Variants in NPC1 observed in about 807,000 individuals in gnomAD.
The protein encoded by NPC1 is Niemann-Pick C1 protein.
A neutral mutation model predicts 140.4 loss-of-function variants in NPC1; 85 were observed. The ratio of observed to expected loss-of-function variants is 0.61; its 90% CI spans 0.51 to 0.72. The LOEUF is 0.72. NPC1 is among the 30% of genes least tolerant of loss of function. NPC1 has a pLI of 0.00. For synonymous variants in NPC1, 656 were observed against 624.8 expected, an observed-to-expected ratio of 1.05 and a Z score of -0.74; for missense variants, 1,504 against 1,623.8, an observed-to-expected ratio of 0.93 and a Z score of 1.27.
intron 21 of NPC1, 151 bp from the exon 22 acceptor site, chr18:23,535,851 A>G: frequency 1.4e-6 from 1 of 693,476 alleles, no homozygotes; most frequent in Non-Finnish European, 2.6e-6. Context: ...CACCGAAAGC[A>G]ACTCACTTGA....
At chr18:23,570,570 G>A (rs949261073) in intron 3 of NPC1, among the ~76,000 whole-genome samples, 1 of 152,192 alleles carries the variant, frequency 6.6e-6, no homozygotes, top group Non-Finnish European at 1.5e-5. Flanking sequence ...AAGCCAACTT[G>A]TGCCCTATCA....
intron 22 of NPC1, 115 bp from the exon 23 acceptor site, chr18:23,534,674 C>T: frequency 1.3e-6 from 1 of 786,512 alleles, no homozygotes; most frequent in South Asian, 1.5e-5. Flanking sequence ...CTAGAGGAGG[C>T]CAAGCATCCC....
intron 3 of NPC1, among the ~76,000 whole-genome samples, chr18:23,570,643 T>C (rs902301750): frequency 5.9e-5 from 9 of 152,222 alleles, no homozygotes; most frequent in African/African-American, 1.7e-4. Flanking sequence ...TTCCCAAACA[T>C]CTTTATCAGT....
intron 3 of NPC1, chr18:23,506,999 T>A (rs1355966131): frequency 6.2e-7 from 1 of 1,609,850 alleles, no homozygotes; most frequent in Non-Finnish European, 8.5e-7. Context: ...GTGAAGTGCA[T>A]TAAGTTTTCC....
rs1456586744 is a variant in NPC1, at chr18:23,524,039, C to T, written c.164-1133G>A. The T allele has an allele frequency of 3.8e-6, 5 of 1,321,174 alleles. No homozygotes were observed. In the Admixed American group the frequency reaches 8.5e-5, roughly 22 times the overall value. The allele number at this position is 1,321,174 out of a possible 1,614,324, so 81.8% of individuals were successfully genotyped here. A position where few individuals can be genotyped will look rare whatever the true frequency, so the allele number is the denominator to read the frequency against. Reference sequence around the variant, plus strand: ...CAATTGAATAAACATTTCGTAATGACATTAAAAAGTATTGACTTTTGTGTC... The same window carrying T: ...CAATTGAATAAACATTTCGTAATGATATTAAAAAGTATTGACTTTTGTGTC... On this transcript the variant is annotated intron_variant, in intron 1 of 1. Transcript: ENST00000590723.
intron 10 of NPC1, among the ~76,000 whole-genome samples, chr18:23,549,742 CT>C (rs1000073339): frequency 2.5e-3 from 348 of 137,912 alleles, no homozygotes; most frequent in East Asian, 6.9e-3. Flanking sequence ...TTTTTCACAA[CT>C]TTTTTTTTTT....
Position 23,533,385 on chromosome 18 carries a change from T to C in NPC1, c.3724A>G (p.Ile1242Val), listed in dbSNP as rs771501879. The stretch of plus-strand genomic sequence containing the variant: ...TAACTGAGTAAGACAGGGAGAAATA[T>C]TAATCCGTGAGTGGCTCCCAGTAAG... The part of the protein sequence containing the change: ...MVLLGATHGL[I>V]FLPVLLSYIG... The change falls in exon 24 of 25, where the codon ATA becomes GTA. Residue 1242 changes from isoleucine (I) to valine (V), a missense_variant. Coordinates refer to ENST00000269228, the MANE Select transcript of NPC1 (RefSeq NM_000271.5). 7.1e-5 allele frequency: 115 copies of C among 1,614,014 alleles called. No individual in the cohort carries two copies. The highest frequency in any genetic ancestry group is 9.2e-5 in the Non-Finnish European group (109 of 1,179,974).
At chr18:23,529,901 C>A, downstream of NPC1, 1 of 1,086,632 alleles carries the variant, frequency 9.2e-7, no homozygotes, top group Non-Finnish European at 1.4e-6. Context: ...ACCTGCATGA[C>A]GAAACCACTT....
rs55807051 is a variant in NPC1 at position 23,558,991 on chromosome 18, C to T, written c.881+1240G>A. ...TGCGGTGTTTGGTTTTTTGTCCTTGCGATATTTTGCTGAGAATGATGGTTT... is the reference window on the plus strand; with the variant it reads ...TGCGGTGTTTGGTTTTTTGTCCTTGTGATATTTTGCTGAGAATGATGGTTT... On this transcript the variant is annotated intron_variant, in intron 6 of 24. Coordinates refer to ENST00000269228, the MANE Select transcript of NPC1 (RefSeq NM_000271.5). Among the ~76,000 whole-genome samples, 407 of 152,110 alleles carry T rather than the reference C, an allele frequency of 2.7e-3. 2 individuals carry two copies. The highest frequency in any genetic ancestry group is 9.0e-3 in the African/African-American group (374 of 41,478).
At position 23,541,108 on chromosome 18, in the gene NPC1, T is replaced by C. The variant is rs550562774; in HGVS notation, c.2474A>G (p.Tyr825Cys). The C allele has an allele frequency of 1.2e-5, 19 of 1,614,078 alleles. No individual in the cohort carries two copies. The highest frequency in any genetic ancestry group is 2.7e-5 in the African/African-American group (2 of 74,934). Residue 825 changes from tyrosine to cysteine, a missense_variant, in exon 16 of 25, where the codon TAT becomes TGT. By Grantham distance (194) the Tyr-to-Cys change is radical. Transcript: ENST00000269228. ...SCLFRFFKNS[Y>C]SPLLLKDWMR... ...CCAGTCCTTTAGCAGAAGTGGAGAA[T>C]AGGAGTTTTTGAAGAAGCGAAACAA...
chr18:23,557,366 C>T (rs909786327), intron 6 of NPC1, among the ~76,000 whole-genome samples, 176 bp from the exon 7 acceptor site: 3 of 152,196 alleles, frequency 2.0e-5, no homozygotes, highest in African/African-American at 4.8e-5. Context: ...TCACCAGTCT[C>T]AGGAGAAAAT....
At chr18:23,545,717 G>C (rs1377611589) in intron 11 of NPC1, among the ~76,000 whole-genome samples, 2 of 152,138 alleles carry the variant, frequency 1.3e-5, no homozygotes, top group Non-Finnish European at 2.9e-5. Flanking sequence ...TTAGCCTCTT[G>C]AGTAGCTGGT....
At chr18:23,518,841 G>A (rs878952512), downstream of NPC1, 5 of 1,551,534 alleles carry the variant, frequency 3.2e-6, no homozygotes, top group Non-Finnish European at 4.4e-6. Context: ...TAGAACAAAG[G>A]AATTTTGAAT....
At chr18:23,560,176 G>A in intron 6 of NPC1, 55 bp downstream of exon 6, 1 of 1,609,598 alleles carries the variant, frequency 6.2e-7, no homozygotes, top group Non-Finnish European at 8.5e-7. Context: ...AAAGCTCAAA[G>A]TGCCAGTGGG....
intron 1 of NPC1, among the ~76,000 whole-genome samples, chr18:23,579,412 T>C (rs927344374): frequency 2.6e-5 from 4 of 152,188 alleles, no homozygotes; most frequent in African/African-American, 9.7e-5. Context: ...AGTTCAGAAA[T>C]GAGAAGTGCT....
chr18:23,531,360 G>C, downstream of NPC1: 1 of 468,056 alleles, frequency 2.1e-6, no homozygotes, highest in Admixed American at 4.1e-5. Context: ...GAAGGATCAG[G>C]GCTGTCTAAT....
downstream of NPC1, chr18:23,530,088 C>T (rs781778415): frequency 1.2e-6 from 2 of 1,614,210 alleles, no homozygotes; most frequent in Non-Finnish European, 1.7e-6. Context: ...TTATATGCTG[C>T]ATCAGTTCCT....
At chr18:23,523,762 T>C (rs576297893) in intron 1 of NPC1, among the ~76,000 whole-genome samples, 2 of 152,252 alleles carry the variant, frequency 1.3e-5, no homozygotes, top group Non-Finnish European at 2.9e-5. Flanking sequence ...CCACATTTAT[T>C]TGAAACATTC....
chr18:23,529,756 T>C (rs1220734058), downstream of NPC1: 3 of 1,423,472 alleles, frequency 2.1e-6, no homozygotes, highest in Non-Finnish European at 2.9e-6. Context: ...AGAAGGAATT[T>C]AAAAAAAAAA....
Sources: gnomAD v4.1 joint callset for allele counts (sites outside exome capture counted in the v4.1 genomes callset) on GRCh38, gnomAD v4.1.1 for gene constraint, MANE v1.5 for transcripts, NCBI Gene and HGNC (gene_info 2026-07-23, HGNC 2026-07-21) for gene names.